Variants in CAPN8 observed in about 807,000 individuals in gnomAD.
The protein encoded by CAPN8 is calpain 8.
Under a neutral mutation model 80.9 loss-of-function variants are expected in CAPN8, and 87 were observed. That is an observed-to-expected ratio of 1.07 (90% CI 0.90 to 1.28). CAPN8 has a LOEUF of 1.28. CAPN8 is among the 50% of genes most tolerant of loss of function. CAPN8 has a pLI of 0.00. For missense variants in CAPN8, 757 were observed against 702.0 expected (o/e 1.08, Z -0.89); for synonymous variants, 299 against 273.8 (o/e 1.09, Z -0.91).
At chr1:223,664,143 T>G (rs998659446) in intron 1 of CAPN8, among the ~76,000 whole-genome samples, 3 of 152,330 alleles carry the variant, frequency 2.0e-5, no homozygotes, top group South Asian at 4.1e-4. Context: ...GGTCTAGGTT[T>G]TGGGAGGACT....
At chr1:223,629,482 A>G (rs1657713007) in intron 2 of CAPN8, among the ~76,000 whole-genome samples, 1 of 152,156 alleles carries the variant, frequency 6.6e-6, no homozygotes, top group Non-Finnish European at 1.5e-5. Flanking sequence ...TGCAGAAGAA[A>G]ACAGAAAACC....
Position 223,654,237 on chromosome 1 carries a change from C to T in CAPN8, c.307+93G>A, listed in dbSNP as rs140630334. On this transcript the variant is annotated intron_variant, in intron 2 of 20. Coordinates refer to ENST00000366872, the MANE Select transcript of CAPN8 (RefSeq NM_001143962.2). ...GGACACATCAGGTACCTAATTCACT[C>T]GGTGAAGTCTCACAGCTTCATCTGA... The T allele has an allele frequency of 6.2e-4, 676 of 1,093,570 alleles. 3 individuals are homozygous for T. In the African/African-American group the frequency reaches 7.4e-3, roughly 12 times the overall value. 67.7% of individuals were successfully genotyped at this position (1,093,570 alleles called of 1,614,324 possible). A position where few individuals can be genotyped will look rare whatever the true frequency, so the allele number is the denominator to read the frequency against.
At chr1:223,639,103 G>C (rs149193836) in intron 2 of CAPN8, among the ~76,000 whole-genome samples, 1,626 of 152,202 alleles carry the variant, frequency 0.011, 18 homozygotes, top group Non-Finnish European at 0.015. Flanking sequence ...AGCTGGACGT[G>C]GTGGCCCACA....
Position 223,541,785 on chromosome 1 carries a change from C to A in CAPN8, c.*51G>T. ...TCACAAAATTGTAGAGAAGGGGTGA[C>A]AAGAAGCAAGCAGTGGGGCAGGGAG... On this transcript the variant is annotated 3_prime_UTR_variant, in exon 21 of 21. Coordinates refer to ENST00000366872, the MANE Select transcript of CAPN8 (RefSeq NM_001143962.2). 2 of 1,551,380 alleles carry A rather than the reference C, an allele frequency of 1.3e-6. No homozygotes were observed. Among genetic ancestry groups the A allele is most frequent in the Non-Finnish European group, 1.7e-6 (2 of 1,146,898 alleles).
rs770852387 is a variant in CAPN8 at position 223,627,133 on chromosome 1, G to A, written c.585C>T (p.Leu195=). 81 of 1,552,336 alleles carry A rather than the reference G, an allele frequency of 5.2e-5. No homozygotes were observed. The Middle Eastern group carries it at 8.3e-4, about 16-fold the overall frequency. ...YAKLNGCYEA[L]AGGSTVEGFE... ...ACCCCTCCACTGTGGAACCTCCAGC[G>A]AGAGCCTCATAACAACCATTAAGCC... The change falls in exon 5 of 21, where the codon CTC becomes CTT. Residue 195 remains leucine (L), a synonymous_variant. Coordinates refer to ENST00000366872, the MANE Select transcript of CAPN8 (RefSeq NM_001143962.2).
At chr1:223,660,783 G>A (rs1658622852) in intron 1 of CAPN8, among the ~76,000 whole-genome samples, 1 of 152,156 alleles carries the variant, frequency 6.6e-6, no homozygotes, top group Non-Finnish European at 1.5e-5. Context: ...GTCACATTTA[G>A]GCAGTGGACT....
rs1434230474 is a variant in CAPN8 at position 223,622,912 on chromosome 1, A to G, written c.814-12T>C. 1.3e-6 allele frequency: 2 copies of G among 1,549,046 alleles called. No individual in the cohort carries two copies. Among genetic ancestry groups the G allele is most frequent in the African/African-American group, 1.4e-5 (1 of 73,136 alleles). On this transcript the variant is annotated splice_polypyrimidine_tract_variant and intron_variant, in intron 6 of 20. Coordinates refer to ENST00000366872, the MANE Select transcript of CAPN8 (RefSeq NM_001143962.2). ...CCCTGGAAATTCACCTGCAAATTCC[A>G]TACACAGAAAAGCGACTGAATTACT...
intron 1 of CAPN8, among the ~76,000 whole-genome samples, chr1:223,660,639 ATATC>A (rs1015487448): frequency 1.9e-4 from 29 of 152,214 alleles, no homozygotes; most frequent in African/African-American, 7.0e-4. Flanking sequence ...ATTTCAGAAA[ATATC>A]TAAGTATCAA....
intron 20 of CAPN8, 88 bp from the exon 21 acceptor site, chr1:223,541,947 C>G (rs776611925): frequency 1.3e-5 from 20 of 1,541,574 alleles, no homozygotes; most frequent in Non-Finnish European, 1.8e-5. Context: ...CACATGGGTG[C>G]GATCTTTTTA....
At position 223,544,822 on chromosome 1, in the gene CAPN8, T is replaced by C; in HGVS notation, c.1862A>G (p.His621Arg). ...LEIYWETDYNHSGTIDAHEMR... is the reference protein window; with the variant it reads ...LEIYWETDYNRSGTIDAHEMR... ...CTCGTGGGCATCGATGGTGCCCGAGTGGTTATAATCAGTTTCCCAATAGAT... is the reference window on the plus strand; with the variant it reads ...CTCGTGGGCATCGATGGTGCCCGAGCGGTTATAATCAGTTTCCCAATAGAT... The change falls in exon 18 of 21, where the codon CAC becomes CGC. Residue 621 changes from histidine (H) to arginine (R), a missense_variant. Physicochemically the swap from His to Arg is conservative, Grantham distance 29. Transcript: ENST00000366872. 6.4e-7 allele frequency: 1 copy of C among 1,551,498 alleles called. No individual in the cohort carries two copies. Among genetic ancestry groups the C allele is most frequent in the Non-Finnish European group, 8.7e-7 (1 of 1,146,972 alleles).
At chr1:223,631,642 T>C (rs1327872955) in intron 2 of CAPN8, among the ~76,000 whole-genome samples, 3 of 152,352 alleles carry the variant, frequency 2.0e-5, no homozygotes, top group Non-Finnish European at 2.9e-5. Context: ...CAATGAATCA[T>C]ATTTTGTTCT....
At chr1:223,656,345 C>T (rs548554605) in intron 1 of CAPN8, among the ~76,000 whole-genome samples, 68 of 151,898 alleles carry the variant, frequency 4.5e-4, no homozygotes, top group African/African-American at 1.5e-3. Context: ...GGTGCGCCCC[C>T]GTAATCCCAG....
At chr1:223,622,028 A>T (rs150868240) in intron 7 of CAPN8, among the ~76,000 whole-genome samples, 261 of 151,964 alleles carry the variant, frequency 1.7e-3, no homozygotes, top group African/African-American at 6.1e-3. Flanking sequence ...CTGGTCTCGA[A>T]CTCCTGAGCT....
In CAPN8 at chr1:223,662,908, C is replaced by T. The variant is rs554946200; in HGVS notation, c.237+2502G>A. The stretch of plus-strand genomic sequence containing the variant: ...GGAGTCTATTCAATAACTGTAAGAT[C>T]TTAGAGGATAAGTCTGCCTTCTCTA... On this transcript the variant is annotated intron_variant, in intron 1 of 20. Transcript: ENST00000366872. Among the ~76,000 whole-genome samples, 3 of 152,274 alleles carry T rather than the reference C, an allele frequency of 2.0e-5. No homozygotes were observed. The East Asian group carries it at 5.8e-4, about 29-fold the overall frequency.
In CAPN8 at chr1:223,645,834, CAA is replaced by C. The variant is rs1176775503; in HGVS notation, c.307+8494_307+8495del. Among the ~76,000 whole-genome samples the C allele has an allele frequency of 5.9e-5, 9 of 152,122 alleles. No homozygotes were observed. In the South Asian group the frequency reaches 8.3e-4, roughly 14 times the overall value. ...CCCTATGGGACCCCTGAGGGAGGCA[CAA>C]AGAGTCCTCCTGGAGCAGAAGGGAG... is the stretch of plus-strand genomic sequence containing the variant. On this transcript the variant is annotated intron_variant, in intron 2 of 20. Transcript: ENST00000366872.
chr1:223,635,573 G>A (rs1322946000), intron 2 of CAPN8, among the ~76,000 whole-genome samples: 1 of 151,936 alleles, frequency 6.6e-6, no homozygotes. Flanking sequence ...TCACCTCAGT[G>A]TAATTGTATC....
chr1:223,552,145 C>A (rs1397381942), intron 14 of CAPN8, among the ~76,000 whole-genome samples: 1 of 152,186 alleles, frequency 6.6e-6, no homozygotes, highest in African/African-American at 2.4e-5. Flanking sequence ...ATCTTCCCAT[C>A]CTCCGCTAGC....
chr1:223,648,584 G>C (rs1435644529), intron 2 of CAPN8, among the ~76,000 whole-genome samples: 3 of 152,190 alleles, frequency 2.0e-5, no homozygotes, highest in South Asian at 4.1e-4. Flanking sequence ...TCGCTCCATG[G>C]GGGAGCGTGG....
chr1:223,653,493 T>G (rs1285736155), intron 2 of CAPN8, among the ~76,000 whole-genome samples: 1 of 151,996 alleles, frequency 6.6e-6, no homozygotes. Flanking sequence ...GTCCATGTGA[T>G]GCTGAGGTTT....
Sources: allele counts gnomAD v4.1 joint callset (sites outside exome capture counted in the v4.1 genomes callset), GRCh38; gene constraint gnomAD v4.1.1; transcripts MANE v1.5; gene names NCBI Gene and HGNC (gene_info 2026-07-23, HGNC 2026-07-21).